KCNN3: variants seen among roughly 807,000 people sequenced by gnomAD.
The protein encoded by KCNN3 is small conductance calcium-activated potassium channel protein 3.
A neutral mutation model predicts 62.9 loss-of-function variants in KCNN3; 16 were observed. The ratio of observed to expected loss-of-function variants is 0.25; its 90% CI spans 0.17 to 0.39. The LOEUF (loss-of-function observed/expected upper bound fraction) is 0.39. Ranked by LOEUF, KCNN3 falls within the 10% of genes least tolerant of loss-of-function variation. The pLI, the probability that KCNN3 is intolerant of heterozygous loss-of-function variation, is 1.00. For missense variants in KCNN3, 599 were observed against 949.4 expected (o/e 0.63, Z 4.85); for synonymous variants, 370 against 389.2 (o/e 0.95, Z 0.58).
Position 154,727,174 on chromosome 1 carries a change from C to T in KCNN3, c.1591-1148G>A, listed in dbSNP as rs74761272. Among the ~76,000 whole-genome samples the T allele has an allele frequency of 7.2e-4, 110 of 152,278 alleles. 2 individuals are homozygous for T. In the East Asian group the frequency reaches 0.018, roughly 25 times the overall value. On this transcript the variant is annotated intron_variant, in intron 4 of 7. Transcript: ENST00000271915. ...TCTGCCTGCATGCTGTGCCCTGCGC[C>T]GCCCTGACCACCACTCATGGAAAGA... is the stretch of plus-strand genomic sequence containing the variant.
intron 3 of KCNN3, among the ~76,000 whole-genome samples, chr1:154,750,648 C>T (rs190231082): frequency 1.3e-5 from 2 of 152,054 alleles, no homozygotes; most frequent in East Asian, 3.9e-4. Flanking sequence ...TACCCGTTTC[C>T]CACACTAGAT....
At chr1:154,708,948 G>A (rs1700020035) in intron 7 of KCNN3, among the ~76,000 whole-genome samples, 1 of 152,104 alleles carries the variant, frequency 6.6e-6, no homozygotes, top group Non-Finnish European at 1.5e-5. Flanking sequence ...CCTCAGGGTG[G>A]GACATCCCTG....
At chr1:154,850,705 A>C (rs552243046) in intron 1 of KCNN3, among the ~76,000 whole-genome samples, 1 of 152,234 alleles carries the variant, frequency 6.6e-6, no homozygotes, top group African/African-American at 2.4e-5. Context: ...TTCCCCCAAC[A>C]TCCCTGTGGA....
intron 2 of KCNN3, among the ~76,000 whole-genome samples, chr1:154,780,953 G>A (rs1304740658): frequency 6.6e-6 from 1 of 152,178 alleles, no homozygotes; most frequent in African/African-American, 2.4e-5. Context: ...AGGGCGTTGG[G>A]GTCCACGCTA....
At chr1:154,821,044 G>A (rs112524712) in intron 2 of KCNN3, among the ~76,000 whole-genome samples, 199 of 152,302 alleles carry the variant, frequency 1.3e-3, no homozygotes, top group African/African-American at 4.5e-3. Flanking sequence ...TCTCCCATGC[G>A]CTCCTCATCC....
chr1:154,759,377 C>T (rs1647896160), intron 3 of KCNN3, among the ~76,000 whole-genome samples: 1 of 152,222 alleles, frequency 6.6e-6, no homozygotes, highest in Non-Finnish European at 1.5e-5. Context: ...GCAAACAAAA[C>T]AACCCCAAAG....
At chr1:154,784,187 CTCA>C (rs1649180478) in intron 2 of KCNN3, among the ~76,000 whole-genome samples, 1 of 152,164 alleles carries the variant, frequency 6.6e-6, no homozygotes, top group African/African-American at 2.4e-5. Context: ...ACACCTTGGT[CTCA>C]TCATGTGCTC....
chr1:154,846,046 C>T (rs1652041129), intron 1 of KCNN3, among the ~76,000 whole-genome samples: 1 of 152,162 alleles, frequency 6.6e-6, no homozygotes. Flanking sequence ...TGGGGTGGCA[C>T]AGCACCCACA....
At chr1:154,757,874 C>G (rs1411375430) in intron 3 of KCNN3, among the ~76,000 whole-genome samples, 1 of 152,118 alleles carries the variant, frequency 6.6e-6, no homozygotes, top group Non-Finnish European at 1.5e-5. Context: ...AAAGAAATAC[C>G]TGGCTGCTTC....
intron 7 of KCNN3, among the ~76,000 whole-genome samples, chr1:154,708,738 C>T (rs535716853): frequency 6.6e-6 from 1 of 152,084 alleles, no homozygotes; most frequent in Admixed American, 6.5e-5. Flanking sequence ...CTGCCAGGCG[C>T]CTGGCCTCTC....
intron 2 of KCNN3, among the ~76,000 whole-genome samples, chr1:154,787,293 C>G (rs1304034318): frequency 6.6e-6 from 1 of 152,210 alleles, no homozygotes; most frequent in Non-Finnish European, 1.5e-5. Context: ...AGAAAGGAAA[C>G]CTGCTCCACC....
intron 3 of KCNN3, among the ~76,000 whole-genome samples, chr1:154,744,982 T>A (rs1436362383): frequency 2.7e-5 from 4 of 150,148 alleles, no homozygotes; most frequent in African/African-American, 9.8e-5. Flanking sequence ...CTTATAAACA[T>A]CTTAAAATGT....
At position 154,769,178 on chromosome 1, in the gene KCNN3, C is replaced by T. The variant is rs370807182; in HGVS notation, c.1448+2797G>A. On this transcript the variant is annotated intron_variant, in intron 3 of 7. Transcript: ENST00000271915. ...AATGCCCCTCCAGGACCCGGGCTCT[C>T]CTTCCCTCAGGCAAGGTACCTCTCT... 4.6e-5 allele frequency among the ~76,000 whole-genome samples: 7 copies of T among 152,296 alleles called. No individual in the cohort carries two copies. The East Asian group carries it at 1.4e-3, about 29-fold the overall frequency.
At chr1:154,791,664 A>C (rs1649524570) in intron 2 of KCNN3, among the ~76,000 whole-genome samples, 1 of 152,206 alleles carries the variant, frequency 6.6e-6, no homozygotes, top group African/African-American at 2.4e-5. Flanking sequence ...CCCCGATGTT[A>C]ATTTTAGAAA....
At chr1:154,825,415 G>A (rs1160235562) in intron 1 of KCNN3, among the ~76,000 whole-genome samples, 1 of 146,930 alleles carries the variant, frequency 6.8e-6, no homozygotes, top group African/African-American at 2.5e-5. Context: ...TCCCAGACTG[G>A]AGTGCAGTGG....
intron 6 of KCNN3, among the ~76,000 whole-genome samples, chr1:154,714,555 T>G (rs1459893256): frequency 6.9e-5 from 5 of 72,046 alleles, no homozygotes; most frequent in African/African-American, 1.3e-4. Context: ...TGTGTGTGTG[T>G]GGTGTGTGTG....
At chr1:154,753,805 G>T (rs765315807) in intron 3 of KCNN3, among the ~76,000 whole-genome samples, 1 of 152,220 alleles carries the variant, frequency 6.6e-6, no homozygotes. Context: ...TGGGAAGCAG[G>T]TAGACCAGGC....
Position 154,764,040 on chromosome 1 carries a change from T to A in KCNN3, c.1448+7935A>T, listed in dbSNP as rs538426290. 3.3e-4 allele frequency among the ~76,000 whole-genome samples: 51 copies of A among 152,362 alleles called. No individual in the cohort carries two copies. In the South Asian group the frequency reaches 0.01, roughly 31 times the overall value. On this transcript the variant is annotated intron_variant, in intron 3 of 7. Coordinates refer to ENST00000271915, the MANE Select transcript of KCNN3 (RefSeq NM_002249.6). ...TTCTATTCGTTTGCCATCTGATTTG[T>A]ACTTACCTAATAAATCTTTGCTCTT...
chr1:154,784,996 C>A (rs1649217015), intron 2 of KCNN3, among the ~76,000 whole-genome samples: 1 of 152,236 alleles, frequency 6.6e-6, no homozygotes, highest in South Asian at 2.1e-4. Context: ...TTGGGCTGAG[C>A]CCCAGTGTTT....
Sources: gnomAD v4.1 joint callset for allele counts (sites outside exome capture counted in the v4.1 genomes callset) on GRCh38, gnomAD v4.1.1 for gene constraint, MANE v1.5 for transcripts, NCBI Gene and HGNC (gene_info 2026-07-23, HGNC 2026-07-21) for gene names.